The following HIVEP3 variants were observed in gnomAD, a reference collection of about 807,000 sequenced individuals.
HIVEP3 encodes HIVEP zinc finger 3.
Under a neutral mutation model 152.8 loss-of-function variants are expected in HIVEP3, and 49 were observed. The observed-to-expected ratio is 0.32, with a 90% CI of 0.26 to 0.41. The LOEUF (loss-of-function observed/expected upper bound fraction) is 0.41. HIVEP3 is among the 10% of genes least tolerant of loss of function. The pLI is 1.00. For missense variants in HIVEP3, 2,790 were observed against 3,103.3 expected, an observed-to-expected ratio of 0.90 and a Z score of 2.40; for synonymous variants, 1,269 against 1,289.0, an observed-to-expected ratio of 0.98 and a Z score of 0.33.
At chr1:41,618,470 G>A (rs544795692) in intron 3 of HIVEP3, among the ~76,000 whole-genome samples, 1 of 152,318 alleles carries the variant, frequency 6.6e-6, no homozygotes, top group African/African-American at 2.4e-5. Flanking sequence ...GCCCATCCTT[G>A]TGGCTCCTGG....
chr1:41,583,187 G>A lies in HIVEP3; in HGVS notation c.1611C>T (p.Leu537=). 6.2e-7 allele frequency: 1 copy of A among 1,607,108 alleles called. No homozygotes were observed. The highest frequency in any genetic ancestry group is 2.2e-5 in the East Asian group (1 of 44,826). The change falls in exon 4 of 9, where the codon CTC becomes CTT. Residue 537 remains leucine (L), a synonymous_variant. Transcript: ENST00000372583. The surrounding 1 kb of genome is among the most constrained non-coding windows in gnomAD (Gnocchi z 6.9). ...CAGAAGGCATTGAGTGGCTTCTCAGGAGAGGCACAGGGGGGGCGGTACTGG... is the reference window on the plus strand; with the variant it reads ...CAGAAGGCATTGAGTGGCTTCTCAGAAGAGGCACAGGGGGGGCGGTACTGG... ...HPPSTAPPVP[L]LRSHSMPSAA... is the part of the protein sequence containing the mutation.
chr1:41,853,817 C>T (rs1643673971), intron 1 of HIVEP3, among the ~76,000 whole-genome samples: 1 of 152,240 alleles, frequency 6.6e-6, no homozygotes, highest in Admixed American at 6.5e-5. Context: ...CAAGGCGAAC[C>T]TGCCACAAGC....
chr1:41,830,903 C>T (rs753914343), intron 1 of HIVEP3, among the ~76,000 whole-genome samples: 3 of 152,174 alleles, frequency 2.0e-5, no homozygotes, highest in Non-Finnish European at 4.4e-5. Flanking sequence ...CCTACGCGTT[C>T]GTGACTCACT....
At chr1:41,762,829 G>A (rs973002688) in intron 1 of HIVEP3, among the ~76,000 whole-genome samples, 7 of 152,186 alleles carry the variant, frequency 4.6e-5, no homozygotes, top group African/African-American at 7.2e-5. Context: ...CTGGCAAAGC[G>A]GCACTGAAAA....
intron 1 of HIVEP3, among the ~76,000 whole-genome samples, chr1:41,926,913 C>T (rs10890169): frequency 0.54 from 82,333 of 151,928 alleles, 22,659 homozygotes; most frequent in East Asian, 0.71. Context: ...CCATGGCTAA[C>T]TCTGACAACC....
At chr1:41,725,628 T>A (rs1646741037) in intron 1 of HIVEP3, among the ~76,000 whole-genome samples, 1 of 152,176 alleles carries the variant, frequency 6.6e-6, no homozygotes, top group African/African-American at 2.4e-5. Flanking sequence ...GTGTCCAGCA[T>A]CCGTATGGAA....
intron 1 of HIVEP3, among the ~76,000 whole-genome samples, chr1:41,933,718 C>T (rs936563760): frequency 6.6e-6 from 1 of 150,896 alleles, no homozygotes; most frequent in African/African-American, 2.4e-5. Context: ...TTTTTTTGTT[C>T]CTTCTGTTTT....
rs772394531 is a variant in HIVEP3, at chr1:41,513,374, A to G, written c.5847T>C (p.Ser1949=). ...LPWLGPAPLG[S]VEKDTGSALS... Reference sequence around the variant, plus strand: ...AGGCTGAGCCTGTGTCTTTCTCCACAGAGCCCAGAGGGGCCGGTCCCAGCC... The same window carrying G: ...AGGCTGAGCCTGTGTCTTTCTCCACGGAGCCCAGAGGGGCCGGTCCCAGCC... Residue 1949 remains serine, a synonymous_variant, in exon 8 of 9, where the codon TCT becomes TCC. Transcript: ENST00000372583. 2.5e-6 allele frequency: 4 copies of G among 1,612,334 alleles called. No homozygotes were observed. The East Asian group carries it at 6.7e-5, about 27-fold the overall frequency.
intron 1 of HIVEP3, among the ~76,000 whole-genome samples, chr1:42,024,278 T>C (rs1645570376): frequency 6.6e-6 from 1 of 152,168 alleles, no homozygotes; most frequent in African/African-American, 2.4e-5. Flanking sequence ...TTTTTATCCC[T>C]AATAATGTTT....
rs551702625 is a variant in HIVEP3 at position 41,950,024 on chromosome 1, AAG to A, written n.120-31502_120-31501del. ...ACTACCTGGATTTCCTAGGCTGACT[AAG>A]AATCCCTAAGCCTAGCTAGGAAGGT... On this transcript the variant is annotated intron_variant and non_coding_transcript_variant, in intron 1 of 3. Coordinates refer to the HIVEP3 transcript ENST00000489103. Among the ~76,000 whole-genome samples, 504 of 152,302 alleles carry A rather than the reference AAG, an allele frequency of 3.3e-3. 1 individual carries two copies. Among genetic ancestry groups the A allele is most frequent in the African/African-American group, 0.011 (447 of 41,560 alleles).
At chr1:41,759,117 C>G (rs1237176548) in intron 1 of HIVEP3, among the ~76,000 whole-genome samples, 1 of 151,872 alleles carries the variant, frequency 6.6e-6, no homozygotes, top group Non-Finnish European at 1.5e-5. Flanking sequence ...CTTTCCAGCT[C>G]CTGGCAACCA....
chr1:41,682,983 A>C (rs1646063525), intron 2 of HIVEP3, among the ~76,000 whole-genome samples: 1 of 152,256 alleles, frequency 6.6e-6, no homozygotes, highest in Non-Finnish European at 1.5e-5. Context: ...AAGGAATGAC[A>C]TCTAAACTGG....
chr1:41,915,537 AAG>A (rs1396616391), intron 1 of HIVEP3, among the ~76,000 whole-genome samples: 1 of 152,196 alleles, frequency 6.6e-6, no homozygotes, highest in African/African-American at 2.4e-5. Flanking sequence ...AGAGGCCTGA[AAG>A]AGGGTATAAA....
intron 5 of HIVEP3, among the ~76,000 whole-genome samples, chr1:41,565,671 C>T (rs1457772350): frequency 2.0e-5 from 3 of 152,108 alleles, no homozygotes; most frequent in Non-Finnish European, 2.9e-5. Flanking sequence ...GCCTGATTCC[C>T]CAGGACAGAA....
At chr1:41,802,300 C>T (rs1650355456) in intron 1 of HIVEP3, among the ~76,000 whole-genome samples, 1 of 152,204 alleles carries the variant, frequency 6.6e-6, no homozygotes, top group South Asian at 2.1e-4. Context: ...ACTGCAGTCT[C>T]AACTTCCTGG....
intron 1 of HIVEP3, among the ~76,000 whole-genome samples, chr1:41,746,807 C>A (rs1294687500): frequency 6.6e-6 from 1 of 152,308 alleles, no homozygotes; most frequent in East Asian, 1.9e-4. Context: ...ACTGGAAGTT[C>A]TTGGGAATTA....
chr1:41,625,897 T>C (rs543613188), intron 3 of HIVEP3, among the ~76,000 whole-genome samples: 16 of 152,368 alleles, frequency 1.1e-4, no homozygotes, highest in Admixed American at 3.3e-4. Flanking sequence ...CATTTTAACC[T>C]GTTTTATATA....
At chr1:41,623,392 A>G (rs1003039691) in intron 3 of HIVEP3, among the ~76,000 whole-genome samples, 2 of 152,258 alleles carry the variant, frequency 1.3e-5, no homozygotes, top group Non-Finnish European at 2.9e-5. Flanking sequence ...TAAGCTTAGC[A>G]CACACTTGCT....
intron 3 of HIVEP3, among the ~76,000 whole-genome samples, chr1:41,618,197 T>C (rs7512609): frequency 0.99 from 151,486 of 152,350 alleles, 75,315 homozygotes; most frequent in Middle Eastern, 1. Context: ...CGCTGCGGGA[T>C]GGTGCCAGAG....
Sources: allele counts gnomAD v4.1 joint callset (sites outside exome capture counted in the v4.1 genomes callset), GRCh38; gene constraint gnomAD v4.1.1; non-coding constraint Gnocchi (gnomAD v3.1); transcripts MANE v1.5; gene names NCBI Gene and HGNC (gene_info 2026-07-23, HGNC 2026-07-21).